Variants in PAX5 observed in about 807,000 individuals in gnomAD.
The protein encoded by PAX5 is paired box 5.
In PAX5, 9 loss-of-function variants were observed where a neutral mutation model predicts 43.7. The observed-to-expected ratio is 0.21, with a 90% CI of 0.12 to 0.36. The LOEUF (loss-of-function observed/expected upper bound fraction) is 0.36, where lower values mean the gene tolerates loss of function less well. Among genes scored for constraint, PAX5 ranks in the 10% least tolerant of loss-of-function variants. The pLI is 1.00. For synonymous variants in PAX5, 228 were observed against 214.3 expected (o/e 1.06, Z -0.56); for missense variants, 383 against 532.7 (o/e 0.72, Z 2.77).
chr9:36,866,082 T>C (rs1031995863), intron 8 of PAX5, among the ~76,000 whole-genome samples: 4 of 152,220 alleles, frequency 2.6e-5, no homozygotes, highest in Non-Finnish European at 5.9e-5. Context: ...CAAATCCATT[T>C]TGGAAGTCAG....
intron 7 of PAX5, among the ~76,000 whole-genome samples, chr9:36,898,658 C>T (rs1032148898): frequency 3.3e-5 from 5 of 152,218 alleles, no homozygotes; most frequent in Non-Finnish European, 7.3e-5. Flanking sequence ...GCACATTATG[C>T]GCGAGATGGG....
intron 5 of PAX5, among the ~76,000 whole-genome samples, chr9:36,982,822 C>A (rs1399911618): frequency 6.6e-6 from 1 of 152,082 alleles, no homozygotes; most frequent in Non-Finnish European, 1.5e-5. Flanking sequence ...ACAATACCTG[C>A]AGATTTTGCT....
At chr9:37,027,300 C>A (rs1168751752) in intron 1 of PAX5, among the ~76,000 whole-genome samples, 2 of 152,244 alleles carry the variant, frequency 1.3e-5, no homozygotes. Flanking sequence ...ACACTGAGAC[C>A]CGCTGCCTTC....
intron 7 of PAX5, among the ~76,000 whole-genome samples, chr9:36,891,194 G>C (rs1010989521): frequency 1.3e-5 from 2 of 152,180 alleles, no homozygotes; most frequent in African/African-American, 4.8e-5. Flanking sequence ...ATTTGTACAA[G>C]AGTTATGCTT....
intron 6 of PAX5, among the ~76,000 whole-genome samples, chr9:36,949,547 G>A (rs1254834971): frequency 6.6e-6 from 1 of 152,182 alleles, no homozygotes; most frequent in Non-Finnish European, 1.5e-5. Flanking sequence ...AGACTCCAGA[G>A]GTAAGCCTAC....
At chr9:36,895,229 C>T (rs558242564) in intron 7 of PAX5, among the ~76,000 whole-genome samples, 3 of 152,344 alleles carry the variant, frequency 2.0e-5, no homozygotes, top group African/African-American at 7.2e-5. Context: ...GCCTCTGGAG[C>T]GGTTCACCCC....
At chr9:36,904,701 TTA>T (rs1828678023) in intron 7 of PAX5, among the ~76,000 whole-genome samples, 1 of 152,172 alleles carries the variant, frequency 6.6e-6, no homozygotes. Flanking sequence ...AAATGTGACT[TTA>T]TGCTAATCAA....
At chr9:37,032,129 C>T (rs1394396706) in intron 1 of PAX5, among the ~76,000 whole-genome samples, 3 of 152,218 alleles carry the variant, frequency 2.0e-5, no homozygotes, top group Non-Finnish European at 4.4e-5. Flanking sequence ...GATTTTAAGG[C>T]TTGGCCAGCC....
chr9:36,927,862 C>T (rs1467579949), intron 6 of PAX5, among the ~76,000 whole-genome samples: 1 of 152,194 alleles, frequency 6.6e-6, no homozygotes, highest in African/African-American at 2.4e-5. Flanking sequence ...ACACATGCCA[C>T]CACACCCAGT....
chr9:37,034,088 C>CTTTTTTTTTGTTTTTT lies in PAX5; in HGVS notation c.-58_-57insAAAAAACAAAAAAAAA. 2.2e-6 allele frequency: 1 copy of CTTTTTTTTTGTTTTTT among 447,900 alleles called. No individual in the cohort carries two copies. Among genetic ancestry groups the CTTTTTTTTTGTTTTTT allele is most frequent in the African/African-American group, 3.6e-5 (1 of 27,562 alleles). The allele number at this position is 447,900 out of a possible 1,614,324, so 27.7% of individuals were successfully genotyped here. Reference sequence around the variant, plus strand: ...GGGAAAAGTTTCCACTTTTTTGTGCCTTTTTTTTTCTTTTTTTTTTTTTTT... The same window carrying CTTTTTTTTTGTTTTTT: ...GGGAAAAGTTTCCACTTTTTTGTGCCTTTTTTTTTGTTTTTTTTTTTTTTTCTTTTTTTTTTTTTTT... On this transcript the variant is annotated 5_prime_UTR_variant, in exon 1 of 10. Coordinates refer to ENST00000358127, the MANE Select transcript of PAX5 (RefSeq NM_016734.3).
intron 3 of PAX5, among the ~76,000 whole-genome samples, chr9:37,009,330 C>T (rs1838738474): frequency 6.6e-6 from 1 of 152,180 alleles, no homozygotes; most frequent in Non-Finnish European, 1.5e-5. Context: ...ATGCCTCAGT[C>T]TCTTCATCTG....
At chr9:36,964,557 A>G (rs930537623) in intron 6 of PAX5, among the ~76,000 whole-genome samples, 1 of 149,342 alleles carries the variant, frequency 6.7e-6, no homozygotes, top group African/African-American at 2.5e-5. Context: ...ACACTACTGC[A>G]CTCCAACCTG....
At position 36,857,424 on chromosome 9, in the gene PAX5, G is replaced by C. The variant is rs189879533; in HGVS notation, c.1013-10495C>G. Among the ~76,000 whole-genome samples the C allele has an allele frequency of 2.6e-5, 4 of 152,326 alleles. No homozygotes were observed. In the East Asian group the frequency reaches 7.7e-4, roughly 29 times the overall value. The stretch of plus-strand genomic sequence containing the variant: ...AGGCCCCCAGTAAGGCATACTCAGT[G>C]AAATGCGCCTAGGCTTCAATCCTCA... On this transcript the variant is annotated intron_variant, in intron 8 of 9. Coordinates refer to ENST00000358127, the MANE Select transcript of PAX5 (RefSeq NM_016734.3).
chr9:36,961,184 A>T (rs1369383608), intron 6 of PAX5, among the ~76,000 whole-genome samples: 3 of 152,240 alleles, frequency 2.0e-5, no homozygotes, highest in Non-Finnish European at 4.4e-5. Context: ...GCCCCTTCCC[A>T]GGAACAGGAT....
intron 1 of PAX5, 71 bp from the exon 2 acceptor site, chr9:37,020,872 G>A (rs1839789590): frequency 1.3e-6 from 2 of 1,531,396 alleles, no homozygotes; most frequent in Admixed American, 1.7e-5. Flanking sequence ...AAGCACCGCT[G>A]TGAGGACCCA....
chr9:36,939,393 G>C (rs943118453), intron 6 of PAX5, among the ~76,000 whole-genome samples: 2 of 152,100 alleles, frequency 1.3e-5, no homozygotes. Flanking sequence ...CAAACCACCA[G>C]ACCCTGGGTA....
At chr9:37,000,073 T>G (rs73646304) in intron 5 of PAX5, among the ~76,000 whole-genome samples, 2,356 of 152,028 alleles carry the variant, frequency 0.015, 38 homozygotes, top group South Asian at 0.07. Context: ...GTAGCCTCCA[T>G]CCCCTCCCCT....
intron 5 of PAX5, among the ~76,000 whole-genome samples, chr9:36,988,699 GAGAA>G (rs1836681816): frequency 6.8e-6 from 1 of 146,258 alleles, no homozygotes; most frequent in Admixed American, 6.8e-5. Flanking sequence ...GAGAGAGAGA[GAGAA>G]AACAAAAAAT....
intron 7 of PAX5, among the ~76,000 whole-genome samples, chr9:36,903,859 G>C (rs532915114): frequency 1.8e-4 from 28 of 152,202 alleles, no homozygotes; most frequent in Non-Finnish European, 3.1e-4. Flanking sequence ...CTGTTCTTCA[G>C]ATAGGGGTCT....
Sources: gnomAD v4.1 joint callset for allele counts (sites outside exome capture counted in the v4.1 genomes callset) on GRCh38, gnomAD v4.1.1 for gene constraint, MANE v1.5 for transcripts, NCBI Gene and HGNC (gene_info 2026-07-23, HGNC 2026-07-21) for gene names.